The following PCP4 variants were observed in gnomAD, a reference collection of about 807,000 sequenced individuals.
The protein encoded by PCP4 is Purkinje cell protein 4.
In PCP4, 8 loss-of-function variants were observed where a neutral mutation model predicts 10.0. That is an observed-to-expected ratio of 0.80 (90% CI 0.47 to 1.45). The LOEUF (loss-of-function observed/expected upper bound fraction) is 1.45, where lower values mean the gene tolerates loss of function less well. Ranked by LOEUF, PCP4 falls within the 40% of genes most tolerant of loss-of-function variation. PCP4 has a pLI of 0.00. For missense variants in PCP4, 54 were observed against 74.4 expected, an observed-to-expected ratio of 0.73 and a Z score of 1.01; for synonymous variants, 21 against 23.0, an observed-to-expected ratio of 0.91 and a Z score of 0.24.
chr21:39,896,939 C>G (rs934994479), intron 1 of PCP4, among the ~76,000 whole-genome samples: 1 of 152,094 alleles, frequency 6.6e-6, no homozygotes, highest in Admixed American at 6.5e-5. Flanking sequence ...GTTCGGTGCT[C>G]TGCTGTTTTT....
Position 39,929,145 on chromosome 21 carries a change from C to G in PCP4, c.*34C>G. The stretch of plus-strand genomic sequence containing the variant: ...CCCCCTCCTAGTCCACCTGAAAACA[C>G]CAAATTCAACCATCATCTGTCAAGA... On this transcript the variant is annotated 3_prime_UTR_variant, in exon 3 of 3. Transcript: ENST00000328619. The G allele has an allele frequency of 6.3e-7, 1 of 1,582,656 alleles. No homozygotes were observed. Among genetic ancestry groups the G allele is most frequent in the Non-Finnish European group, 8.6e-7 (1 of 1,162,804 alleles).
At chr21:39,912,260 T>C (rs2087543728) in intron 2 of PCP4, among the ~76,000 whole-genome samples, 1 of 152,094 alleles carries the variant, frequency 6.6e-6, no homozygotes, top group South Asian at 2.1e-4. Context: ...CTACCTCTGC[T>C]GATAATTAGA....
intron 1 of PCP4, among the ~76,000 whole-genome samples, chr21:39,886,758 T>G (rs1033957480): frequency 1.3e-5 from 2 of 152,218 alleles, no homozygotes; most frequent in African/African-American, 4.8e-5. Context: ...AACTGTTCCT[T>G]AAGTTGTAAT....
Position 39,906,998 on chromosome 21 carries a change from G to T in PCP4, c.61+8471G>T, listed in dbSNP as rs1601183990. On this transcript the variant is annotated intron_variant, in intron 2 of 2. Transcript: ENST00000328619. The surrounding 1 kb of genome is among the most constrained non-coding windows in gnomAD (Gnocchi z 6.3). ...ATAATCTTATTTATAGAATTAATGT[G>T]CACAGCAGGCAGTTTTTCAGAAGCA... Among the ~76,000 whole-genome samples, 3 of 152,128 alleles carry T rather than the reference G, an allele frequency of 2.0e-5. No homozygotes were observed. The South Asian group carries it at 6.2e-4, about 32-fold the overall frequency.
intron 1 of PCP4, among the ~76,000 whole-genome samples, chr21:39,890,602 C>T (rs948162138): frequency 8.6e-5 from 13 of 151,916 alleles, no homozygotes; most frequent in African/African-American, 2.9e-4. Context: ...CTCCTGACCT[C>T]AGGTGATCCA....
chr21:39,871,066 A>G (rs1052996578), intron 1 of PCP4, among the ~76,000 whole-genome samples: 1 of 152,252 alleles, frequency 6.6e-6, no homozygotes, highest in Non-Finnish European at 1.5e-5. Context: ...AAAACGTACA[A>G]TAATCTCTAA....
intron 2 of PCP4, among the ~76,000 whole-genome samples, chr21:39,916,677 A>G (rs2087570029): frequency 6.6e-6 from 1 of 152,232 alleles, no homozygotes; most frequent in Non-Finnish European, 1.5e-5. Flanking sequence ...TGTTCATTGC[A>G]GCACTATTCA....
intron 1 of PCP4, among the ~76,000 whole-genome samples, chr21:39,888,309 C>T (rs2299752): frequency 0.25 from 38,568 of 152,070 alleles, 5,147 homozygotes; most frequent in East Asian, 0.52. Flanking sequence ...ACGTTGGGAA[C>T]GGGGGGCAAA....
At chr21:39,896,843 ATAT>A (rs2087459084) in intron 1 of PCP4, among the ~76,000 whole-genome samples, 1 of 152,064 alleles carries the variant, frequency 6.6e-6, no homozygotes, top group South Asian at 2.1e-4. Flanking sequence ...TATTTTTCTG[ATAT>A]TGTTTTTAGG....
intron 2 of PCP4, among the ~76,000 whole-genome samples, chr21:39,910,476 T>TA (rs112241216): frequency 1.7e-4 from 25 of 148,328 alleles, no homozygotes; most frequent in African/African-American, 4.2e-4. Context: ...ACCAGTCCAT[T>TA]AAAAAAAAAA....
chr21:39,905,239 A>C (rs1044113073), intron 2 of PCP4, among the ~76,000 whole-genome samples: 2 of 147,898 alleles, frequency 1.4e-5, no homozygotes, highest in African/African-American at 5.1e-5. Context: ...CCTTTTCCAT[A>C]TTTGAAGAAA....
rs150840561 is a variant in PCP4 at position 39,910,042 on chromosome 21, C to T, written c.61+11515C>T. ...AACTCCCGATCTCAGGCGATCTGCC[C>T]GCCTCGGCCTCCCAAGCCTTCTTCA... On this transcript the variant is annotated intron_variant, in intron 2 of 2. Coordinates refer to ENST00000328619, the MANE Select transcript of PCP4 (RefSeq NM_006198.3). Among the ~76,000 whole-genome samples, 108 of 152,208 alleles carry T rather than the reference C, an allele frequency of 7.1e-4. 1 individual carries two copies. The East Asian group carries it at 0.019, about 27-fold the overall frequency.
intron 1 of PCP4, among the ~76,000 whole-genome samples, chr21:39,874,288 G>A (rs542074880): frequency 3.9e-5 from 6 of 152,130 alleles, no homozygotes; most frequent in South Asian, 2.1e-4. Flanking sequence ...AGCCATACAC[G>A]AGTCAGACCT....
intron 2 of PCP4, among the ~76,000 whole-genome samples, chr21:39,901,133 T>A (rs1213350935): frequency 2.0e-5 from 3 of 152,202 alleles, no homozygotes; most frequent in Non-Finnish European, 2.9e-5. Flanking sequence ...TGTTATATCA[T>A]GTGATGTGTA....
intron 2 of PCP4, among the ~76,000 whole-genome samples, chr21:39,927,369 CATCTATCT>C (rs71186907): frequency 4.6e-4 from 30 of 65,114 alleles, no homozygotes; most frequent in Non-Finnish European, 7.8e-4. Context: ...ATCTATCTAT[CATCTATCT>C]ATCTATCTAT....
intron 1 of PCP4, among the ~76,000 whole-genome samples, chr21:39,869,062 A>T (rs375847946): frequency 2.0e-5 from 3 of 152,166 alleles, no homozygotes; most frequent in Admixed American, 6.5e-5. Context: ...TGCTTGCAAC[A>T]AGAAGGGATG....
intron 1 of PCP4, among the ~76,000 whole-genome samples, chr21:39,876,999 T>C (rs67651818): frequency 0.18 from 27,696 of 152,186 alleles, 2,622 homozygotes; most frequent in Middle Eastern, 0.24. Context: ...TCATTCAAAG[T>C]GGTCATTTTA....
intron 1 of PCP4, among the ~76,000 whole-genome samples, chr21:39,877,544 A>T (rs1389124998): frequency 6.6e-6 from 1 of 151,808 alleles, no homozygotes; most frequent in Non-Finnish European, 1.5e-5. Flanking sequence ...AAAAAAAAAA[A>T]AAATTAGCCG....
At chr21:39,912,629 T>C (rs2087545788) in intron 2 of PCP4, among the ~76,000 whole-genome samples, 1 of 152,160 alleles carries the variant, frequency 6.6e-6, no homozygotes, top group Non-Finnish European at 1.5e-5. Flanking sequence ...TTCAGAACTT[T>C]TCACAACCCT....
Sources: gnomAD v4.1 joint callset for allele counts (sites outside exome capture counted in the v4.1 genomes callset) on GRCh38, gnomAD v4.1.1 for gene constraint, Gnocchi (gnomAD v3.1) non-coding constraint, MANE v1.5 for transcripts, NCBI Gene and HGNC (gene_info 2026-07-23, HGNC 2026-07-21) for gene names.